OR10G3: variants seen among roughly 807,000 people sequenced by gnomAD.
OR10G3 encodes the protein olfactory receptor 10G3.
OR10G3 carries 8 observed loss-of-function variants against 13.4 expected under a neutral mutation model. The observed-to-expected ratio is 0.60, with a 90% CI of 0.35 to 1.08. The LOEUF is 1.08. OR10G3 is among the 50% of genes least tolerant of loss of function. The pLI, the probability that OR10G3 is intolerant of heterozygous loss-of-function variation, is 0.02. For synonymous variants in OR10G3, 142 were observed against 156.1 expected (o/e 0.91, Z 0.67); for missense variants, 393 against 386.6 (o/e 1.02, Z -0.14).
At chr14:21,574,319 A>G (rs1318879016) in intron 1 of OR10G3, among the ~76,000 whole-genome samples, 4 of 151,520 alleles carry the variant, frequency 2.6e-5, no homozygotes, top group African/African-American at 4.8e-5. Flanking sequence ...AAAAAAAAAA[A>G]AAAAAGAAAT....
At position 21,568,654 on chromosome 14, in the gene OR10G3, GT is replaced by G. The variant is rs1156411869; in HGVS notation, c.*1148del. ...AAGCAGTGTACACTGTACCCAATAT[GT>G]AGTCTTTTATCTTTCACCCCTGTGT... On this transcript the variant is annotated 3_prime_UTR_variant, in exon 2 of 2. Transcript: ENST00000641040. 1 of 151,592 alleles carries G rather than the reference GT, an allele frequency of 6.6e-6. No individual in the cohort carries two copies. The highest frequency in any genetic ancestry group is 2.4e-5 in the African/African-American group (1 of 41,262). The allele number at this position is 151,592 out of a possible 1,614,324, so 9.4% of individuals were successfully genotyped here.
In OR10G3 at chr14:21,570,429, G is replaced by C. The variant is rs1040482951; in HGVS notation, c.316C>G (p.His106Asp). 1.9e-6 allele frequency: 3 copies of C among 1,614,160 alleles called. No individual in the cohort carries two copies. Among genetic ancestry groups the C allele is most frequent in the Non-Finnish European group, 2.5e-6 (3 of 1,180,030 alleles). Residue 106 changes from histidine to aspartate, a missense_variant, in exon 2 of 2, where the codon CAC (histidine) becomes GAC (aspartate). By Grantham distance (81) the His-to-Asp change is moderately conservative (BLOSUM62 -1). Transcript: ENST00000641040. ...GGCVAQLYFY[H>D]FLGSTQCFLY... ...AAGCACTGGGTGCTGCCCAGGAAGT[G>C]ATAGAAATAGAGTTGAGCAACACAG...
intron 1 of OR10G3, among the ~76,000 whole-genome samples, chr14:21,576,965 T>C (rs1226726796): frequency 6.6e-6 from 1 of 152,208 alleles, no homozygotes; most frequent in African/African-American, 2.4e-5. Flanking sequence ...TTTTTGTTTC[T>C]CTAACTTTTT....
intron 1 of OR10G3, among the ~76,000 whole-genome samples, chr14:21,578,860 G>A (rs1876819298): frequency 6.6e-6 from 1 of 152,060 alleles, no homozygotes; most frequent in African/African-American, 2.4e-5. Context: ...TATAATATGA[G>A]AAAAGTTTGA....
At position 21,570,478 on chromosome 14, in the gene OR10G3, A is replaced by C; in HGVS notation, c.267T>G (p.Gly89=). 6.2e-7 allele frequency: 1 copy of C among 1,614,156 alleles called. No homozygotes were observed. The highest frequency in any genetic ancestry group is 8.5e-7 in the Non-Finnish European group (1 of 1,180,038). ...AGCCACCAAATGGGATGGGTTTGAC[A>C]CCTAAAGTGAAGTTCATCATGAGGC... ...VPRLMMNFTL[G]VKPIPFGGCV... is the part of the protein sequence containing the mutation. Residue 89 remains glycine (G), a synonymous_variant, in exon 2 of 2, where the codon GGT becomes GGG. Transcript: ENST00000641040.
chr14:21,579,629 A>G (rs1034972202), intron 1 of OR10G3, among the ~76,000 whole-genome samples, 157 bp downstream of exon 1: 2 of 152,256 alleles, frequency 1.3e-5, no homozygotes, highest in African/African-American at 4.8e-5. Context: ...GTGACAGCAG[A>G]AAAAGAACTA....
chr14:21,578,564 T>C (rs1376080749), intron 1 of OR10G3, among the ~76,000 whole-genome samples: 1 of 152,172 alleles, frequency 6.6e-6, no homozygotes, highest in African/African-American at 2.4e-5. Context: ...TCTTTTCTAA[T>C]GAGGCGAAGG....
chr14:21,570,090 A>G lies in OR10G3; in HGVS notation c.655T>C (p.Tyr219His), dbSNP rs1388675722. ...ASCFSLILLS[Y>H]IQIIQAILRI... ...AGGATGGCCTGAATGATCTGTATGT[A>G]GGAGAGGAGGATCAGGGAGAAGCAA... The change falls in exon 2 of 2, where the codon TAC becomes CAC. Residue 219 changes from tyrosine (Y) to histidine (H), a missense_variant. By Grantham distance (83) the Tyr-to-His change is moderately conservative. Coordinates refer to ENST00000641040, the MANE Select transcript of OR10G3 (RefSeq NM_001005465.2). 1 of 1,614,224 alleles carries G rather than the reference A, an allele frequency of 6.2e-7. No homozygotes were observed. The highest frequency in any genetic ancestry group is 1.1e-5 in the South Asian group (1 of 91,084).
At position 21,570,736 on chromosome 14, in the gene OR10G3, T is replaced by C; in HGVS notation, c.9A>G (p.Arg3=). 6.3e-7 allele frequency: 1 copy of C among 1,575,918 alleles called. No homozygotes were observed. The highest frequency in any genetic ancestry group is 1.3e-5 in the African/African-American group (1 of 74,150). Residue 3 remains arginine, a synonymous_variant, in exon 2 of 2, where the codon AGA becomes AGG. Coordinates refer to ENST00000641040, the MANE Select transcript of OR10G3 (RefSeq NM_001005465.2). ME[R]INSTLLTAFI... is the part of the protein sequence containing the mutation. ...ACGCAGTCAACAGTGTGCTGTTGAT[T>C]CTTTCCATATCCCAGAGAATCTTAC...
intron 1 of OR10G3, among the ~76,000 whole-genome samples, chr14:21,578,798 TA>T (rs1330433152): frequency 2.0e-5 from 3 of 152,178 alleles, no homozygotes; most frequent in East Asian, 3.9e-4. Flanking sequence ...ATAAGACATA[TA>T]AAATGGAAAA....
rs201005891 is a variant in OR10G3 at position 21,570,209 on chromosome 14, A to G, written c.536T>C (p.Phe179Ser). 6.2e-7 allele frequency: 1 copy of G among 1,614,098 alleles called. No individual in the cohort carries two copies. The highest frequency in any genetic ancestry group is 8.5e-7 in the Non-Finnish European group (1 of 1,180,022). ...TCTCAACACTGCAGGGATGTCACAG[A>G]AGAAGTAATCCACCTGATTGGGCCC... ...YCGPNQVDYF[F>S]CDIPAVLRLA... The change falls in exon 2 of 2, where the codon TTC becomes TCC. Residue 179 changes from phenylalanine (F) to serine (S), a missense_variant. Coordinates refer to ENST00000641040, the MANE Select transcript of OR10G3 (RefSeq NM_001005465.2).
intron 1 of OR10G3, among the ~76,000 whole-genome samples, chr14:21,571,157 C>T (rs1382775157): frequency 6.6e-6 from 1 of 152,152 alleles, no homozygotes; most frequent in African/African-American, 2.4e-5. Context: ...CCAGGATTTC[C>T]TGGAAACATG....
chr14:21,574,782 TATAAAAAAA>T (rs1186066855), intron 1 of OR10G3: 3 of 152,042 alleles, frequency 2.0e-5, no homozygotes, highest in Admixed American at 6.6e-5. Context: ...ACCCTATTTC[TATAAAAAAA>T]ATAAAAAAAA....
intron 1 of OR10G3, among the ~76,000 whole-genome samples, chr14:21,578,629 C>T (rs1876814757): frequency 6.6e-6 from 1 of 152,172 alleles, no homozygotes; most frequent in Middle Eastern, 3.4e-3. Context: ...TGGTCCCAAA[C>T]TGTATCCCTA....
Position 21,570,185 on chromosome 14 carries a change from C to G in OR10G3, c.560G>C (p.Arg187Thr). The G allele has an allele frequency of 6.2e-7, 1 of 1,614,214 alleles. No individual in the cohort carries two copies. Among genetic ancestry groups the G allele is most frequent in the South Asian group, 1.1e-5 (1 of 91,082 alleles). The change falls in exon 2 of 2, where the codon AGA (arginine) becomes ACA (threonine). Residue 187 changes from arginine (R) to threonine (T), a missense_variant. Physicochemically the swap from Arg to Thr is moderately conservative, Grantham distance 71. Transcript: ENST00000641040. Reference protein sequence around the residue: ...YFFCDIPAVLRLACADTTVNE... With the variant: ...YFFCDIPAVLTLACADTTVNE... Reference sequence around the variant, plus strand: ...GACTGTTGTGTCAGCACAGGCCAGTCTCAACACTGCAGGGATGTCACAGAA... The same window carrying G: ...GACTGTTGTGTCAGCACAGGCCAGTGTCAACACTGCAGGGATGTCACAGAA...
chr14:21,574,283 A>T (rs1400217826), intron 1 of OR10G3, among the ~76,000 whole-genome samples: 2 of 134,064 alleles, frequency 1.5e-5, no homozygotes, highest in Non-Finnish European at 3.1e-5. Flanking sequence ...AGCCTGGGCC[A>T]CAGAGCAAGA....
intron 1 of OR10G3, among the ~76,000 whole-genome samples, chr14:21,579,394 A>G (rs1025596086): frequency 5.3e-5 from 8 of 152,024 alleles, no homozygotes; most frequent in African/African-American, 1.9e-4. Flanking sequence ...ACAGGCGTGT[A>G]CCACCACCCC....
At position 21,569,590 on chromosome 14, in the gene OR10G3, GTCTCAT is replaced by G; in HGVS notation, c.*207_*212del. The G allele has an allele frequency of 1.9e-6, 1 of 524,424 alleles. No homozygotes were observed. Among genetic ancestry groups the G allele is most frequent in the Non-Finnish European group, 3.3e-6 (1 of 298,898 alleles). 32.5% of individuals were successfully genotyped at this position (524,424 alleles called of 1,614,324 possible). On this transcript the variant is annotated 3_prime_UTR_variant, in exon 2 of 2. Coordinates refer to ENST00000641040, the MANE Select transcript of OR10G3 (RefSeq NM_001005465.2). ...ATGTGGTTTAGTTTGTGAGAATTTGGTCTCATTCTCTACTCTTGCAGTGGCTGAGAG... is the reference window on the plus strand; with the variant it reads ...ATGTGGTTTAGTTTGTGAGAATTTGGTCTCTACTCTTGCAGTGGCTGAGAG...
chr14:21,574,509 G>C (rs533306783), intron 1 of OR10G3, among the ~76,000 whole-genome samples: 1 of 152,182 alleles, frequency 6.6e-6, no homozygotes, highest in African/African-American at 2.4e-5. Context: ...TGGCAACTCT[G>C]GTGAAGAAGT....
Sources: allele counts gnomAD v4.1 joint callset (sites outside exome capture counted in the v4.1 genomes callset), GRCh38; gene constraint gnomAD v4.1.1; transcripts MANE v1.5; gene names NCBI Gene and HGNC (gene_info 2026-07-23, HGNC 2026-07-21).